Variants in ALDH7A1 observed in about 807,000 individuals in gnomAD.
ALDH7A1 encodes alpha-aminoadipic semialdehyde dehydrogenase.
Under a neutral mutation model 79.9 loss-of-function variants are expected in ALDH7A1, and 63 were observed. The ratio of observed to expected loss-of-function variants is 0.79; its 90% CI spans 0.64 to 0.97. The LOEUF is 0.97. Ranked by LOEUF, ALDH7A1 falls within the 50% of genes least tolerant of loss-of-function variation. The pLI is 0.00. For missense variants in ALDH7A1, 627 were observed against 665.2 expected (o/e 0.94, Z 0.63); for synonymous variants, 240 against 231.2 (o/e 1.04, Z -0.34).
chr5:126,556,077 A>AATTATTCATTGTT, intron 11 of ALDH7A1, 62 bp from the exon 12 acceptor site: 1 of 1,151,534 alleles, frequency 8.7e-7, no homozygotes, highest in Non-Finnish European at 1.3e-6. Flanking sequence ...TAAACAATGA[A>AATTATTCATTGTT]TAATTTCCTT....
In ALDH7A1 at chr5:126,565,276, C is replaced by T. The variant is rs188378402; in HGVS notation, c.871+2983G>A. On this transcript the variant is annotated intron_variant, in intron 9 of 17. Coordinates refer to ENST00000409134, the MANE Select transcript of ALDH7A1 (RefSeq NM_001182.5). ...GACATGGTGGCGCATGCCTGTAATC[C>T]CAGCTACTTGGGAGGCTGAGGCAGA... is the stretch of plus-strand genomic sequence containing the variant. 6.5e-3 allele frequency among the ~76,000 whole-genome samples: 992 copies of T among 151,700 alleles called. 9 individuals are homozygous for T. Among genetic ancestry groups the T allele is most frequent in the African/African-American group, 0.022 (930 of 41,344 alleles).
intron 3 of ALDH7A1, among the ~76,000 whole-genome samples, chr5:126,584,893 C>A (rs1433727292): frequency 6.6e-6 from 1 of 152,114 alleles, no homozygotes; most frequent in Non-Finnish European, 1.5e-5. Flanking sequence ...AAGAGCACAG[C>A]TTATGTCACA....
chr5:126,589,904 C>T (rs113140867), intron 3 of ALDH7A1, among the ~76,000 whole-genome samples: 40 of 146,058 alleles, frequency 2.7e-4, no homozygotes, highest in South Asian at 6.6e-4. Context: ...AAGTGAGGAG[C>T]ACCTCTGCCC....
intron 7 of ALDH7A1, among the ~76,000 whole-genome samples, chr5:126,572,039 TA>T (rs572163885): frequency 1.5e-3 from 236 of 152,258 alleles, no homozygotes; most frequent in African/African-American, 5.3e-3. Context: ...TTTTGAGTCA[TA>T]AAAAAATGGC....
At chr5:126,555,105 G>A (rs1288687992) in intron 12 of ALDH7A1, 9 of 156,996 alleles carry the variant, frequency 5.7e-5, no homozygotes, top group South Asian at 3.9e-4. Flanking sequence ...CTGGTGAGAA[G>A]GCAAGCGGGG....
chr5:126,564,993 C>T (rs1193756600), intron 9 of ALDH7A1, among the ~76,000 whole-genome samples: 8 of 152,126 alleles, frequency 5.3e-5, no homozygotes, highest in African/African-American at 1.2e-4. Flanking sequence ...CCAAGAACAA[C>T]AAACTACCGC....
At chr5:126,565,953 T>A (rs1282753399) in intron 9 of ALDH7A1, among the ~76,000 whole-genome samples, 1 of 152,250 alleles carries the variant, frequency 6.6e-6, no homozygotes, top group African/African-American at 2.4e-5. Flanking sequence ...TGTCTATCCT[T>A]ATGCTGGTGC....
At chr5:126,575,999 C>G (rs1325872658) in intron 6 of ALDH7A1, among the ~76,000 whole-genome samples, 1 of 152,092 alleles carries the variant, frequency 6.6e-6, no homozygotes, top group East Asian at 1.9e-4. Flanking sequence ...CGGTGGCTCA[C>G]GCCTGTAATC....
chr5:126,592,672 A>G lies in ALDH7A1; in HGVS notation c.304T>C (p.Trp102Arg), dbSNP rs1366706416. ...VKKAREAWKI[W>R]ADIPAPKRGE... ...ACAAAGGCCATACTTACATCTGCCC[A>G]GATTTTCCATGCTTCTCTTGCTTTC... is the stretch of plus-strand genomic sequence containing the variant. The change falls in exon 3 of 18, where the codon TGG (tryptophan) becomes CGG (arginine). Residue 102 changes from tryptophan (W) to arginine (R), a missense_variant. Transcript: ENST00000409134. 2 of 1,613,998 alleles carry G rather than the reference A, an allele frequency of 1.2e-6. No homozygotes were observed. Among genetic ancestry groups the G allele is most frequent in the Non-Finnish European group, 1.7e-6 (2 of 1,180,014 alleles).
intron 8 of ALDH7A1, chr5:126,570,280 G>A (rs1554099892): frequency 1.1e-5 from 2 of 186,812 alleles, no homozygotes; most frequent in Non-Finnish European, 1.1e-5. Flanking sequence ...CACTTTAAAA[G>A]AGAGCATTTC....
chr5:126,545,611 C>G (rs184844361), intron 17 of ALDH7A1, among the ~76,000 whole-genome samples: 3,566 of 148,006 alleles, frequency 0.024, 156 homozygotes, highest in African/African-American at 0.085. Context: ...CATGGTGAAA[C>G]CCGGTCTCTA....
At chr5:126,592,535 T>C (rs1751585612) in intron 3 of ALDH7A1, 129 bp downstream of exon 3, 8 of 908,182 alleles carry the variant, frequency 8.8e-6, no homozygotes, top group Non-Finnish European at 1.4e-5. Flanking sequence ...TAGTACAGTA[T>C]CACAGCCCCC....
rs1057520220 is a variant in ALDH7A1 at position 126,556,029 on chromosome 5, G to T, written c.1009-14C>A. 1.3e-6 allele frequency: 2 copies of T among 1,578,720 alleles called. No homozygotes were observed. The highest frequency in any genetic ancestry group is 1.3e-5 in the African/African-American group (1 of 74,130). ...TTCATGTATAAACTAAACGAAAAAA[G>T]ATATTCAAGGGCATAGTATGATAAA... On this transcript the variant is annotated splice_polypyrimidine_tract_variant and intron_variant, in intron 11 of 17. Transcript: ENST00000409134.
In ALDH7A1 at chr5:126,542,296, C is replaced by T. The variant is rs1316944906; in HGVS notation, c.*2669G>A. 6.6e-6 allele frequency: 1 copy of T among 151,864 alleles called. No homozygotes were observed. The highest frequency in any genetic ancestry group is 1.5e-5 in the Non-Finnish European group (1 of 68,028). The allele number at this position is 151,864 out of a possible 1,614,324, so 9.4% of individuals were successfully genotyped here. On this transcript the variant is annotated 3_prime_UTR_variant, in exon 18 of 18. Transcript: ENST00000409134. ...CAACAAGAAAATGGTCTGAAAGTGC[C>T]AGGGAAGAGAAGAGGAAGGACACAG...
chr5:126,544,683 C>G lies in ALDH7A1; in HGVS notation c.*282G>C, dbSNP rs1208044256. On this transcript the variant is annotated 3_prime_UTR_variant, in exon 18 of 18. Transcript: ENST00000409134. ...GGTACGTACTATTTTTTTCTAATTA[C>G]AAAATAATCATTAACTTTTAAAAAG... The G allele has an allele frequency of 2.4e-6, 1 of 417,568 alleles. No individual in the cohort carries two copies. The highest frequency in any genetic ancestry group is 2.0e-5 in the African/African-American group (1 of 49,368). The allele number at this position is 417,568 out of a possible 1,614,324, so 25.9% of individuals were successfully genotyped here.
chr5:126,591,382 G>C (rs1379245175), intron 3 of ALDH7A1, among the ~76,000 whole-genome samples: 2 of 151,734 alleles, frequency 1.3e-5, no homozygotes, highest in South Asian at 4.1e-4. Context: ...ACGTATCTTG[G>C]CTGATAAAAA....
chr5:126,560,694 A>T (rs1750374138), intron 10 of ALDH7A1, among the ~76,000 whole-genome samples: 1 of 152,176 alleles, frequency 6.6e-6, no homozygotes, highest in African/African-American at 2.4e-5. Context: ...TCCACTAAAG[A>T]CAAAATAATG....
chr5:126,585,893 TA>T (rs1304556487), intron 3 of ALDH7A1, among the ~76,000 whole-genome samples: 1 of 152,186 alleles, frequency 6.6e-6, no homozygotes, highest in Non-Finnish European at 1.5e-5. Flanking sequence ...AAACTGAGCT[TA>T]TATACATAAG....
intron 3 of ALDH7A1, among the ~76,000 whole-genome samples, chr5:126,591,053 T>C (rs937117307): frequency 5.3e-5 from 8 of 152,070 alleles, no homozygotes; most frequent in African/African-American, 1.9e-4. Flanking sequence ...CTAATGAACA[T>C]TTTGCATTGC....
Sources: allele counts gnomAD v4.1 joint callset (sites outside exome capture counted in the v4.1 genomes callset), GRCh38; gene constraint gnomAD v4.1.1; transcripts MANE v1.5; gene names NCBI Gene and HGNC (gene_info 2026-07-23, HGNC 2026-07-21).